The following ARID3B variants were observed in gnomAD, a reference collection of about 807,000 sequenced individuals.
The protein encoded by ARID3B is AT-rich interactive domain-containing protein 3B.
Under a neutral mutation model 51.9 loss-of-function variants are expected in ARID3B, and 10 were observed. The observed-to-expected ratio is 0.19, with a 90% confidence interval of 0.12 to 0.33. The LOEUF (loss-of-function observed/expected upper bound fraction) is 0.33, where lower values mean the gene tolerates loss of function less well. Ranked by LOEUF, ARID3B falls within the 10% of genes least tolerant of loss-of-function variation. The probability of loss-of-function intolerance (pLI) is 1.00; values close to 1 mark genes in which losing one functional copy is unlikely to be tolerated. For missense variants in ARID3B, 483 were observed against 716.3 expected, an observed-to-expected ratio of 0.67 and a Z score of 3.72; for synonymous variants, 205 against 279.5, an observed-to-expected ratio of 0.73 and a Z score of 2.66.
chr15:74,568,016 C>T (rs2061705938), intron 2 of ARID3B, among the ~76,000 whole-genome samples: 1 of 152,204 alleles, frequency 6.6e-6, no homozygotes, highest in Non-Finnish European at 1.5e-5. Context: ...GTGTAGCCCT[C>T]TTCTCTTTTT....
At chr15:74,569,139 C>T (rs1309907599) in intron 2 of ARID3B, among the ~76,000 whole-genome samples, 1 of 152,076 alleles carries the variant, frequency 6.6e-6, no homozygotes, top group African/African-American at 2.4e-5. Flanking sequence ...GGCCAAGAAA[C>T]CTGCTGCACA....
Position 74,595,949 on chromosome 15 carries a change from G to T in ARID3B, c.*175G>T. The T allele has an allele frequency of 1.4e-6, 1 of 734,686 alleles. No homozygotes were observed. Among genetic ancestry groups the T allele is most frequent in the East Asian group, 2.8e-5 (1 of 35,160 alleles). The allele number at this position is 734,686 out of a possible 1,614,324, so 45.5% of individuals were successfully genotyped here. Reference sequence around the variant, plus strand: ...CATTCAGGTCCTGCTGTACTCTGGGGGCAGGGAGAGGCTAGAGGGGCAGGA... The same window carrying T: ...CATTCAGGTCCTGCTGTACTCTGGGTGCAGGGAGAGGCTAGAGGGGCAGGA... On this transcript the variant is annotated 3_prime_UTR_variant, in exon 9 of 9. Coordinates refer to ENST00000346246, the MANE Select transcript of ARID3B (RefSeq NM_006465.4).
intron 4 of ARID3B, among the ~76,000 whole-genome samples, chr15:74,581,669 T>C (rs1567124798): frequency 6.6e-6 from 1 of 152,222 alleles, no homozygotes; most frequent in Non-Finnish European, 1.5e-5. Context: ...ATTATAATAC[T>C]CTATAAATAC....
intron 2 of ARID3B, among the ~76,000 whole-genome samples, chr15:74,560,994 A>G (rs2061677846): frequency 6.6e-6 from 1 of 152,008 alleles, no homozygotes; most frequent in Admixed American, 6.6e-5. Context: ...CTGTCTTTTC[A>G]TATGTTTATG....
At chr15:74,563,958 C>T (rs1174490768) in intron 2 of ARID3B, among the ~76,000 whole-genome samples, 2 of 152,192 alleles carry the variant, frequency 1.3e-5, no homozygotes. Context: ...CCCTGCTCTG[C>T]CCGCTTTCTA....
At chr15:74,552,512 C>T (rs1226411070) in intron 2 of ARID3B, among the ~76,000 whole-genome samples, 1 of 150,742 alleles carries the variant, frequency 6.6e-6, no homozygotes, top group Non-Finnish European at 1.5e-5. Flanking sequence ...TGGATTTTGA[C>T]AAATGTGTAA....
At chr15:74,582,493 C>G (rs1174479780) in intron 4 of ARID3B, among the ~76,000 whole-genome samples, 1 of 152,118 alleles carries the variant, frequency 6.6e-6, no homozygotes, top group Non-Finnish European at 1.5e-5. Flanking sequence ...TTAGGCATAG[C>G]AGAATACAAT....
chr15:74,576,500 A>C (rs1367475901), intron 4 of ARID3B, among the ~76,000 whole-genome samples: 1 of 152,040 alleles, frequency 6.6e-6, no homozygotes, highest in Non-Finnish European at 1.5e-5. Flanking sequence ...ACAAAAAATG[A>C]AAACAAAATT....
chr15:74,583,031 CAAAAAAAA>C (rs563528666), intron 4 of ARID3B, among the ~76,000 whole-genome samples: 2 of 102,804 alleles, frequency 1.9e-5, no homozygotes, highest in Non-Finnish European at 4.2e-5. Flanking sequence ...CCATCTCTAC[CAAAAAAAA>C]AAAAAAAAAA....
chr15:74,554,106 A>T (rs2061647896), intron 2 of ARID3B, among the ~76,000 whole-genome samples: 1 of 152,102 alleles, frequency 6.6e-6, no homozygotes, highest in Non-Finnish European at 1.5e-5. Flanking sequence ...TCCTGGGTTC[A>T]TGCCATTCTC....
At chr15:74,589,021 CTTTTTTTTT>C (rs900091332) in intron 4 of ARID3B, among the ~76,000 whole-genome samples, 85 of 87,850 alleles carry the variant, frequency 9.7e-4, no homozygotes, top group African/African-American at 3.7e-3. Context: ...CAAGCACACT[CTTTTTTTTT>C]TTTTTTTTTT....
intron 4 of ARID3B, among the ~76,000 whole-genome samples, chr15:74,589,281 G>A (rs2061794626): frequency 6.6e-6 from 1 of 151,652 alleles, no homozygotes; most frequent in African/African-American, 2.4e-5. Flanking sequence ...TGCCCGCTTC[G>A]GCCTCCCAAA....
Position 74,544,354 on chromosome 15 carries a change from C to CT in ARID3B, c.419dup (p.Leu141ThrfsTer14), listed in dbSNP as rs1217284242. On this transcript the variant is annotated frameshift_variant, in exon 2 of 9. Transcript: ENST00000346246. LOFTEE classifies it high-confidence loss of function. ...TCCCAGAGTGGCACCCATGTCCAATCTACTTCCAGCACCAGGGCTCCCACC... is the reference window on the plus strand; with the variant it reads ...TCCCAGAGTGGCACCCATGTCCAATCTTACTTCCAGCACCAGGGCTCCCACC... 1 of 1,612,510 alleles carries CT rather than the reference C, an allele frequency of 6.2e-7. No individual in the cohort carries two copies. The highest frequency in any genetic ancestry group is 8.5e-7 in the Non-Finnish European group (1 of 1,179,154).
rs1485709483 is a variant in ARID3B at position 74,595,622 on chromosome 15, G to T, written c.1531G>T (p.Ala511Ser). The change falls in exon 9 of 9, where the codon GCC (alanine) becomes TCC (serine). Residue 511 changes from alanine (A) to serine (S), a missense_variant. Physicochemically the swap from Ala to Ser is moderately conservative, Grantham distance 99. This residue lies in a region of ARID3B where 265 missense variants were observed against 354.4 expected (regional missense o/e 0.75). Coordinates refer to ENST00000346246, the MANE Select transcript of ARID3B (RefSeq NM_006465.4). Reference protein sequence around the residue: ...DGTTYAGVLFAQKPVVHLITG... With the variant: ...DGTTYAGVLFSQKPVVHLITG... ...TTCCACCCACCAAGGTGTGCTGTTT[G>T]CCCAGAAGCCTGTGGTCCACCTCAT... is the stretch of plus-strand genomic sequence containing the variant. 1 of 1,612,514 alleles carries T rather than the reference G, an allele frequency of 6.2e-7. No individual in the cohort carries two copies. Among genetic ancestry groups the T allele is most frequent in the Admixed American group, 1.7e-5 (1 of 59,888 alleles).
chr15:74,589,027 T>C (rs1051219570), intron 4 of ARID3B, among the ~76,000 whole-genome samples: 4 of 121,626 alleles, frequency 3.3e-5, no homozygotes, highest in African/African-American at 1.4e-4. Context: ...CACTCTTTTT[T>C]TTTTTTTTTT....
At chr15:74,584,632 T>TA (rs2061773599) in intron 4 of ARID3B, among the ~76,000 whole-genome samples, 1 of 152,148 alleles carries the variant, frequency 6.6e-6, no homozygotes, top group Non-Finnish European at 1.5e-5. Context: ...TCAACACTCT[T>TA]ACCATCTCTC....
At chr15:74,573,996 C>T (rs1038172979) in intron 4 of ARID3B, 2 of 152,270 alleles carry the variant, frequency 1.3e-5, no homozygotes, top group African/African-American at 4.8e-5. Flanking sequence ...GATCCACCTG[C>T]CTTGACCTCC....
intron 5 of ARID3B, 47 bp downstream of exon 5, chr15:74,590,050 G>C: frequency 6.5e-7 from 1 of 1,537,894 alleles, no homozygotes; most frequent in Non-Finnish European, 8.8e-7. Context: ...TGGAGAAAGG[G>C]GATGTTGTAA....
chr15:74,596,485 G>A lies in ARID3B; in HGVS notation c.*711G>A, dbSNP rs189889354. 5.1e-5 allele frequency: 12 copies of A among 233,534 alleles called. No homozygotes were observed. The highest frequency in any genetic ancestry group is 2.2e-4 in the African/African-American group (10 of 45,470). The allele number at this position is 233,534 out of a possible 1,614,324, so 14.5% of individuals were successfully genotyped here. A position where few individuals can be genotyped will look rare whatever the true frequency, so the allele number is the denominator to read the frequency against. Reference sequence around the variant, plus strand: ...CCCAGCCCTGGCACCTGCTTCACACGGACCATTCTCTGACCGCCCCCGCCA... The same window carrying A: ...CCCAGCCCTGGCACCTGCTTCACACAGACCATTCTCTGACCGCCCCCGCCA... On this transcript the variant is annotated 3_prime_UTR_variant, in exon 9 of 9. Coordinates refer to ENST00000346246, the MANE Select transcript of ARID3B (RefSeq NM_006465.4).
Sources: gnomAD v4.1 joint callset for allele counts (sites outside exome capture counted in the v4.1 genomes callset) on GRCh38, gnomAD v4.1.1 for gene constraint, gnomAD v4.1.1 regional missense constraint, MANE v1.5 for transcripts, NCBI Gene and HGNC (gene_info 2026-07-23, HGNC 2026-07-21) for gene names.